Variants in DNAH17 observed in about 807,000 individuals in gnomAD.
The protein encoded by DNAH17 is axonemal beta dynein heavy chain 17.
DNAH17 carries 376 observed loss-of-function variants against 485.6 expected under a neutral mutation model. That is an observed-to-expected ratio of 0.77 (90% confidence interval 0.71 to 0.84). The LOEUF is 0.84. Ranked by LOEUF, DNAH17 falls within the 40% of genes least tolerant of loss-of-function variation. DNAH17 has a pLI of 0.00. For synonymous variants in DNAH17, 3,031 were observed against 2,405.9 expected (o/e 1.26, Z -7.60); for missense variants, 6,370 against 5,839.3 (o/e 1.09, Z -2.96).
At chr17:78,489,790 A>G (rs1456154950) in intron 44 of DNAH17, among the ~76,000 whole-genome samples, 1 of 138,186 alleles carries the variant, frequency 7.2e-6, no homozygotes, top group Non-Finnish European at 1.5e-5. Context: ...CTGGGGTTGG[A>G]CACACATGGC....
rs751125096 is a variant in DNAH17 at position 78,499,083 on chromosome 17, G to T, written c.5670C>A (p.Ala1890=). 12 of 1,606,462 alleles carry T rather than the reference G, an allele frequency of 7.5e-6. No homozygotes were observed. Among genetic ancestry groups the T allele is most frequent in the Non-Finnish European group, 1.0e-5 (12 of 1,176,570 alleles). The stretch of plus-strand genomic sequence containing the variant: ...CAAAGCAGCCCCAGGCTCCCGTCTG[G>T]GCCAGGCCCTTGTAGATATTTCCAC... ...KSCGNIYKGL[A]QTGAWGCFDE... is the part of the protein sequence containing the mutation. Residue 1890 remains alanine, a synonymous_variant, in exon 37 of 81, where the codon GCC becomes GCA. Transcript: ENST00000389840.
chr17:78,495,744 G>T, intron 38 of DNAH17, 131 bp downstream of exon 38: 1 of 1,130,632 alleles, frequency 8.8e-7, no homozygotes, highest in Non-Finnish European at 1.2e-6. Flanking sequence ...GGCCATCTTG[G>T]GAGCTTTTGA....
intron 16 of DNAH17, among the ~76,000 whole-genome samples, chr17:78,551,244 G>T (rs1024106299): frequency 6.6e-6 from 1 of 152,224 alleles, no homozygotes; most frequent in Non-Finnish European, 1.5e-5. Flanking sequence ...CCCAGTGGGG[G>T]TGAGTCTTGG....
rs1233816943 is a variant in DNAH17, at chr17:78,494,992, C to T, written c.6009G>A (p.Leu2003=). The T allele has an allele frequency of 1.2e-6, 2 of 1,613,250 alleles. No individual in the cohort carries two copies. Among genetic ancestry groups the T allele is most frequent in the South Asian group, 1.1e-5 (1 of 90,936 alleles). The change falls in exon 39 of 81, where the codon CTG becomes CTA. Residue 2003 remains leucine (L), a synonymous_variant. Transcript: ENST00000389840. Reference sequence around the variant, plus strand: ...AGAGCAGCTCCTTGCACAAGGTGTACAGGGTGATGAACTTCCTGGCCAGAA... The same window carrying T: ...AGAGCAGCTCCTTGCACAAGGTGTATAGGGTGATGAACTTCCTGGCCAGAA... The part of the protein sequence containing the change: ...ARLLARKFIT[L]YTLCKELLSK...
intron 40 of DNAH17, 94 bp from the exon 41 acceptor site, chr17:78,494,267 A>T: frequency 6.7e-7 from 1 of 1,503,670 alleles, no homozygotes; most frequent in Non-Finnish European, 8.9e-7. Flanking sequence ...CGTGGGGGAG[A>T]TGATAAAGGC....
At chr17:78,510,670 G>A in intron 26 of DNAH17, 164 bp from the exon 27 acceptor site, 3 of 866,226 alleles carry the variant, frequency 3.5e-6, no homozygotes, top group East Asian at 5.4e-5. Flanking sequence ...GAGACTTGAG[G>A]AAGTGACTTC....
chr17:78,475,592 C>T (rs1215395898), intron 53 of DNAH17, 77 bp downstream of exon 53: 10 of 1,601,336 alleles, frequency 6.2e-6, no homozygotes, highest in Middle Eastern at 1.9e-4. Flanking sequence ...CAATGCCACT[C>T]GGATGTCGAT....
At chr17:78,464,719 C>T (rs754167840) in intron 56 of DNAH17, among the ~76,000 whole-genome samples, 7 of 152,220 alleles carry the variant, frequency 4.6e-5, no homozygotes, top group Non-Finnish European at 1.0e-4. Flanking sequence ...AAGCCTGAGT[C>T]GCCCGATCTG....
At chr17:78,429,415 T>C (rs2086596961) in intron 75 of DNAH17, 115 bp from the exon 76 acceptor site, 1 of 1,171,456 alleles carries the variant, frequency 8.5e-7, no homozygotes, top group Non-Finnish European at 1.2e-6. Context: ...GCTGTGTCCT[T>C]CTCGCCCTCC....
rs186254169 is a variant in DNAH17 at position 78,426,735 on chromosome 17, C to T, written c.12772-135G>A. The T allele has an allele frequency of 1.9e-3, 2,623 of 1,349,212 alleles. 4 individuals are homozygous for T. The highest frequency in any genetic ancestry group is 2.5e-3 in the Non-Finnish European group (2,499 of 983,326). 83.6% of individuals were successfully genotyped at this position (1,349,212 alleles called of 1,614,324 possible). A position where few individuals can be genotyped will look rare whatever the true frequency, so the allele number is the denominator to read the frequency against. ...CTGGAGACGCCCTGCATCAGGGCCA[C>T]GCAAGCGCTTCCTGCTAAGGAACGG... On this transcript the variant is annotated intron_variant, in intron 78 of 80. Transcript: ENST00000389840.
At chr17:78,464,630 A>T (rs761514786) in intron 56 of DNAH17, among the ~76,000 whole-genome samples, 1 of 152,246 alleles carries the variant, frequency 6.6e-6, no homozygotes, top group Non-Finnish European at 1.5e-5. Context: ...TGAGGTGCAC[A>T]AGGCAATGGT....
rs1201465265 is a variant in DNAH17, at chr17:78,476,691, C to T, written c.8035G>A (p.Asp2679Asn). ...STAEVLKTPL[D>N]LVRLWLHETE... ...TCATGTAGCCAAAGGCGGACGAGGT[C>T]CAGTGGGGTTTTCAGAACTTCTGCT... The change falls in exon 52 of 81, where the codon GAC (aspartate) becomes AAC (asparagine). Residue 2679 changes from aspartate (D) to asparagine (N), a missense_variant. By Grantham distance (23) the Asp-to-Asn change is conservative (BLOSUM62 1). Transcript: ENST00000389840. 6.8e-6 allele frequency: 11 copies of T among 1,612,884 alleles called. No homozygotes were observed. The highest frequency in any genetic ancestry group is 9.3e-6 in the Non-Finnish European group (11 of 1,179,502).
intron 60 of DNAH17, among the ~76,000 whole-genome samples, 187 bp from the exon 61 acceptor site, chr17:78,459,395 G>A (rs1372423422): frequency 1.3e-5 from 2 of 152,188 alleles, no homozygotes; most frequent in Admixed American, 6.5e-5. Flanking sequence ...TTACCCCACA[G>A]TGGCATTGCC....
intron 22 of DNAH17, among the ~76,000 whole-genome samples, chr17:78,528,198 C>A (rs1474681588): frequency 6.6e-6 from 1 of 152,196 alleles, no homozygotes; most frequent in Admixed American, 6.5e-5. Flanking sequence ...TTTACTACCC[C>A]AGTTGCCTCG....
In DNAH17 at chr17:78,557,210, G is replaced by A. The variant is rs373926570; in HGVS notation, c.2178+898C>T. Among the ~76,000 whole-genome samples the A allele has an allele frequency of 1.4e-4, 21 of 152,312 alleles. No homozygotes were observed. In the South Asian group the frequency reaches 4.3e-3, roughly 32 times the overall value. On this transcript the variant is annotated intron_variant, in intron 14 of 80. Transcript: ENST00000389840. ...CTTCCTCATGATAATCCTACTCTGGGTTCCAGGAAATGCCCATCCAGTCCT... is the reference window on the plus strand; with the variant it reads ...CTTCCTCATGATAATCCTACTCTGGATTCCAGGAAATGCCCATCCAGTCCT...
intron 20 of DNAH17, 95 bp from the exon 21 acceptor site, chr17:78,530,607 C>A: frequency 7.1e-7 from 1 of 1,411,820 alleles, no homozygotes; most frequent in South Asian, 1.4e-5. Context: ...TGCACTGCAC[C>A]TGCGCTGCTC....
chr17:78,457,266 G>A (rs1353340441), intron 62 of DNAH17, among the ~76,000 whole-genome samples: 3 of 152,158 alleles, frequency 2.0e-5, no homozygotes, highest in Non-Finnish European at 4.4e-5. Context: ...ATCTACTTGG[G>A]AGACTGAGGC....
intron 56 of DNAH17, among the ~76,000 whole-genome samples, chr17:78,465,690 C>G (rs953323631): frequency 1.3e-5 from 2 of 150,372 alleles, no homozygotes; most frequent in Admixed American, 6.6e-5. Context: ...GACCCTCTGC[C>G]CGGCAACCGC....
chr17:78,538,937 C>G (rs952700603), intron 18 of DNAH17, among the ~76,000 whole-genome samples: 2 of 152,098 alleles, frequency 1.3e-5, no homozygotes, highest in Admixed American at 1.3e-4. Context: ...ACCATCTCAA[C>G]AAAAAAGATG....
Sources: gnomAD v4.1 joint callset for allele counts (sites outside exome capture counted in the v4.1 genomes callset) on GRCh38, gnomAD v4.1.1 for gene constraint, MANE v1.5 for transcripts, NCBI Gene and HGNC (gene_info 2026-07-23, HGNC 2026-07-21) for gene names.